NXPE1: variants seen among roughly 807,000 people sequenced by gnomAD.
The protein encoded by NXPE1 is neurexophilin and PC-esterase domain family member 1.
In NXPE1, 31 loss-of-function variants were observed where a neutral mutation model predicts 33.3. That is an observed-to-expected ratio of 0.93 (90% CI 0.70 to 1.26). NXPE1 has a LOEUF of 1.26. Among genes scored for constraint, NXPE1 ranks in the 50% most tolerant of loss-of-function variants. The pLI is 0.00. For synonymous variants in NXPE1, 229 were observed against 231.4 expected, an observed-to-expected ratio of 0.99 and a Z score of 0.09; for missense variants, 661 against 655.6, an observed-to-expected ratio of 1.01 and a Z score of -0.09.
At chr11:114,541,592 G>A (rs1948099290) in intron 5 of NXPE1, among the ~76,000 whole-genome samples, 1 of 152,130 alleles carries the variant, frequency 6.6e-6, no homozygotes, top group Admixed American at 6.5e-5. Context: ...ATACATTTTG[G>A]GGAGGCATGA....
chr11:114,522,220 CAGTCTTTCAAT>C lies in NXPE1; in HGVS notation c.1381_1391del (p.Ile461ValfsTer8), dbSNP rs1452390937. ...CTTTAGTGGCTGGGCTTCTTAGGAA[CAGTCTTTCAAT>C]AGCCTTTTGAACACCGATGGCCCTG... is the stretch of plus-strand genomic sequence containing the variant. On this transcript the variant is annotated frameshift_variant, in exon 9 of 9. Coordinates refer to ENST00000534921, the Ensembl canonical transcript of NXPE1. LOFTEE classifies it low-confidence loss of function (END_TRUNC). The C allele has an allele frequency of 6.2e-7, 1 of 1,613,896 alleles. No homozygotes were observed. Among genetic ancestry groups the C allele is most frequent in the Non-Finnish European group, 8.5e-7 (1 of 1,179,990 alleles).
At chr11:114,526,505 A>T (rs1947374030) in intron 7 of NXPE1, 1 of 66,292 alleles carries the variant, frequency 1.5e-5, no homozygotes, top group African/African-American at 5.6e-5. Context: ...CACAAAGTGG[A>T]TCATACCACT....
At chr11:114,534,659 G>A (rs1032591838) in intron 5 of NXPE1, among the ~76,000 whole-genome samples, 2 of 152,200 alleles carry the variant, frequency 1.3e-5, no homozygotes, top group South Asian at 2.1e-4. Flanking sequence ...AGTAACCGAT[G>A]TGATCAACTG....
rs115284944 is a variant in NXPE1 at position 114,524,073 on chromosome 11, A to G, written c.896-982T>C. ...TATGACATTCTTACTGTGTGGCTTT[A>G]ATCTCATGGTCTAACTTGGCTCTTG... On this transcript the variant is annotated intron_variant, in intron 7 of 8. Transcript: ENST00000534921. Among the ~76,000 whole-genome samples, 1,417 of 152,282 alleles carry G rather than the reference A, an allele frequency of 9.3e-3. 23 individuals carry two copies. The highest frequency in any genetic ancestry group is 0.031 in the African/African-American group (1,283 of 41,546).
intron 1 of NXPE1, among the ~76,000 whole-genome samples, chr11:114,558,741 T>C (rs1948713536): frequency 6.6e-6 from 1 of 152,196 alleles, no homozygotes; most frequent in Non-Finnish European, 1.5e-5. Context: ...AGAGTACAAA[T>C]TAACATGATC....
chr11:114,520,026 T>C (rs1031971297), downstream of NXPE1, among the ~76,000 whole-genome samples: 2 of 149,066 alleles, frequency 1.3e-5, no homozygotes, highest in African/African-American at 5.1e-5. Flanking sequence ...GTGGTCTCGA[T>C]CTCCTGACCT....
exon 9 of NXPE1, chr11:114,522,088 G>A (rs1947226527): frequency 6.2e-7 from 1 of 1,613,998 alleles, no homozygotes; most frequent in Non-Finnish European, 8.5e-7. Flanking sequence ...CCACGTTGAG[G>A]TCTTTGAAAA....
exon 6 of NXPE1, chr11:114,530,582 C>G (rs201130038): frequency 6.2e-7 from 1 of 1,614,046 alleles, no homozygotes; most frequent in African/African-American, 1.3e-5. Context: ...GGGAGGACAT[C>G]CTGGCCCTCA....
At position 114,522,914 on chromosome 11, in the gene NXPE1, CGTAGT is replaced by C. The variant is rs751996683; in HGVS notation, c.1068_1072del (p.Leu357SerfsTer17). 7 of 1,613,158 alleles carry C rather than the reference CGTAGT, an allele frequency of 4.3e-6. No homozygotes were observed. Among genetic ancestry groups the C allele is most frequent in the Middle Eastern group, 1.7e-4 (1 of 6,060 alleles). ...TTTGGGGAAGTAGTAGATCCACTGA[CGTAGT>C]GTAGAGTCTCCCAGGAGGTAAATGA... On this transcript the variant is annotated frameshift_variant, in exon 8 of 9. Transcript: ENST00000534921. LOFTEE classifies it low-confidence loss of function (END_TRUNC).
intron 5 of NXPE1, among the ~76,000 whole-genome samples, chr11:114,534,427 T>A (rs1947714550): frequency 6.6e-6 from 1 of 152,168 alleles, no homozygotes; most frequent in African/African-American, 2.4e-5. Flanking sequence ...AGAACAAAGC[T>A]GGACGGAGAA....
At chr11:114,522,606 C>T in intron 8 of NXPE1, 103 bp from the exon 9 acceptor site, 1 of 958,286 alleles carries the variant, frequency 1.0e-6, no homozygotes, top group Non-Finnish European at 1.5e-6. Flanking sequence ...TAGATAATTG[C>T]TCACTGGAGC....
At chr11:114,524,877 T>C (rs893391896) in intron 7 of NXPE1, among the ~76,000 whole-genome samples, 1 of 152,216 alleles carries the variant, frequency 6.6e-6, no homozygotes, top group Non-Finnish European at 1.5e-5. Flanking sequence ...TGGGTAATAA[T>C]ATCAGGATTC....
intron 1 of NXPE1, among the ~76,000 whole-genome samples, chr11:114,556,136 C>A (rs1382240458): frequency 6.6e-6 from 1 of 152,138 alleles, no homozygotes; most frequent in African/African-American, 2.4e-5. Flanking sequence ...GGGAGAATTG[C>A]TCTAGTAACA....
chr11:114,525,532 T>G (rs1947342192), intron 7 of NXPE1, among the ~76,000 whole-genome samples: 1 of 152,094 alleles, frequency 6.6e-6, no homozygotes, highest in Non-Finnish European at 1.5e-5. Flanking sequence ...AAAGCAAGGT[T>G]GGGAAAAACA....
chr11:114,550,178 A>G lies in NXPE1; in HGVS notation c.99+925T>C, dbSNP rs577146618. 3.7e-3 allele frequency among the ~76,000 whole-genome samples: 567 copies of G among 152,234 alleles called. 16 individuals carry two copies. Among genetic ancestry groups the G allele is most frequent in the Non-Finnish European group, 1.1e-3 (74 of 68,002 alleles). On this transcript the variant is annotated intron_variant, in intron 5 of 8. Transcript: ENST00000534921. ...TACATTTAATAAAATCACAATAACAATGTCCTAAATATCTTCTGGGTCAGA... is the reference window on the plus strand; with the variant it reads ...TACATTTAATAAAATCACAATAACAGTGTCCTAAATATCTTCTGGGTCAGA...
chr11:114,548,511 A>C lies in NXPE1; in HGVS notation c.99+2592T>G, dbSNP rs543599487. The stretch of plus-strand genomic sequence containing the variant: ...GGTATTTAATAGAGATTTATGAAAT[A>C]AAAACCCCAAATACCATTCCACTCA... On this transcript the variant is annotated intron_variant, in intron 5 of 8. Transcript: ENST00000534921. Among the ~76,000 whole-genome samples, 14 of 152,240 alleles carry C rather than the reference A, an allele frequency of 9.2e-5. No individual in the cohort carries two copies. In the East Asian group the frequency reaches 2.5e-3, roughly 27 times the overall value.
At chr11:114,528,637 T>C (rs953625652) in intron 6 of NXPE1, among the ~76,000 whole-genome samples, 4 of 152,202 alleles carry the variant, frequency 2.6e-5, no homozygotes, top group African/African-American at 9.7e-5. Context: ...CTTACATTTC[T>C]TTCCTCCAAT....
intron 6 of NXPE1, chr11:114,528,765 AG>A (rs1295498823): frequency 2.2e-5 from 14 of 630,772 alleles, no homozygotes; most frequent in Admixed American, 8.3e-5. Flanking sequence ...ATGAGGACCC[AG>A]GTGCCAAGTA....
intron 1 of NXPE1, among the ~76,000 whole-genome samples, chr11:114,557,972 C>CTATT (rs1219403610): frequency 3.3e-5 from 5 of 151,868 alleles, no homozygotes; most frequent in Non-Finnish European, 7.4e-5. Flanking sequence ...CATTTTCCTT[C>CTATT]TATTTCCCTA....
Sources: gnomAD v4.1 joint callset for allele counts (sites outside exome capture counted in the v4.1 genomes callset) on GRCh38, gnomAD v4.1.1 for gene constraint, MANE v1.5 for transcripts, NCBI Gene and HGNC (gene_info 2026-07-23, HGNC 2026-07-21) for gene names.